MAP3K19: variants seen among roughly 807,000 people sequenced by gnomAD.
MAP3K19 encodes SPS1/STE20-related protein kinase YSK4.
A neutral mutation model predicts 114.4 loss-of-function variants in MAP3K19; 91 were observed. That is an observed-to-expected ratio of 0.80 (90% CI 0.67 to 0.95). The LOEUF (loss-of-function observed/expected upper bound fraction) is 0.95, where lower values mean the gene tolerates loss of function less well. MAP3K19 is among the 40% of genes least tolerant of loss of function. MAP3K19 has a pLI of 0.00. For missense variants in MAP3K19, 1,471 were observed against 1,573.2 expected, an observed-to-expected ratio of 0.94 and a Z score of 1.10; for synonymous variants, 518 against 530.5, an observed-to-expected ratio of 0.98 and a Z score of 0.32.
chr2:135,015,904 A>AT (rs1482456487), intron 5 of MAP3K19, among the ~76,000 whole-genome samples: 2 of 152,016 alleles, frequency 1.3e-5, no homozygotes, highest in South Asian at 4.2e-4. Context: ...AAAAAAAAAA[A>AT]ATATTTGTTG....
chr2:134,988,452 A>G (rs1238502267), intron 9 of MAP3K19, among the ~76,000 whole-genome samples, 199 bp from the exon 10 acceptor site: 2 of 152,206 alleles, frequency 1.3e-5, no homozygotes, highest in African/African-American at 4.8e-5. Flanking sequence ...GTGCAGTGGC[A>G]TAATCACAGC....
At chr2:135,025,634 C>A (rs1289738322) in intron 3 of MAP3K19, among the ~76,000 whole-genome samples, 1 of 151,972 alleles carries the variant, frequency 6.6e-6, no homozygotes, top group Non-Finnish European at 1.5e-5. Context: ...GATCTGCCTG[C>A]CTCGGCCTCC....
intron 12 of MAP3K19, among the ~76,000 whole-genome samples, chr2:134,970,651 G>A (rs1009361937): frequency 4.7e-5 from 7 of 148,316 alleles, no homozygotes; most frequent in African/African-American, 1.7e-4. Flanking sequence ...AGGCTGGAGT[G>A]CAGTGGTGCG....
In MAP3K19 at chr2:135,028,873, A is replaced by AT. The variant is rs950698753; in HGVS notation, c.-95+1438dup. ...GGGTACTGTGGGAATTAATTAGTTA[A>AT]TTTTTTTTTTTAGTCGCTAAGAAGA... On this transcript the variant is annotated intron_variant, in intron 3 of 12. Coordinates refer to ENST00000392915, the MANE Select transcript of MAP3K19 (RefSeq NM_025052.5). Among the ~76,000 whole-genome samples the AT allele has an allele frequency of 1.5e-4, 23 of 148,632 alleles. No individual in the cohort carries two copies. In the East Asian group the frequency reaches 1.9e-3, roughly 13 times the overall value.
chr2:134,964,727 A>G lies in MAP3K19; in HGVS notation c.*123T>C, dbSNP rs769211807. The G allele has an allele frequency of 5.5e-5, 37 of 677,164 alleles. No homozygotes were observed. Among genetic ancestry groups the G allele is most frequent in the Non-Finnish European group, 8.7e-5 (34 of 392,094 alleles). The allele number at this position is 677,164 out of a possible 1,614,324, so 41.9% of individuals were successfully genotyped here. A position where few individuals can be genotyped will look rare whatever the true frequency, so the allele number is the denominator to read the frequency against. ...AACTTTCAGTTAATGACTCCATAGG[A>G]TCTGCTTAAACTGGGTTAGACTGAA... is the stretch of plus-strand genomic sequence containing the variant. On this transcript the variant is annotated 3_prime_UTR_variant, in exon 13 of 13. Transcript: ENST00000392915.
At chr2:134,981,856 A>G (rs1300705952) in intron 11 of MAP3K19, among the ~76,000 whole-genome samples, 2 of 150,100 alleles carry the variant, frequency 1.3e-5, no homozygotes, top group Non-Finnish European at 3.0e-5. Flanking sequence ...TGAGGTAACA[A>G]TACTTGCCTC....
chr2:134,967,698 C>A (rs1348452850), intron 12 of MAP3K19, among the ~76,000 whole-genome samples: 1 of 152,196 alleles, frequency 6.6e-6, no homozygotes, highest in African/African-American at 2.4e-5. Context: ...ACCTTGCCCT[C>A]CTACTACATT....
intron 4 of MAP3K19, chr2:135,023,141 T>G (rs1314900877): frequency 4.9e-6 from 1 of 204,272 alleles, no homozygotes; most frequent in Non-Finnish European, 1.0e-5. Context: ...TCATCATATT[T>G]TCCTTCTTTA....
At chr2:135,037,646 T>C (rs552327614) in intron 2 of MAP3K19, among the ~76,000 whole-genome samples, 3 of 152,290 alleles carry the variant, frequency 2.0e-5, no homozygotes, top group South Asian at 4.1e-4. Context: ...CTTTATTCCA[T>C]GCAAACTTTT....
chr2:135,023,642 G>A (rs913950723), intron 4 of MAP3K19: 5 of 466,132 alleles, frequency 1.1e-5, no homozygotes, highest in African/African-American at 2.0e-5. Context: ...ATCACATCTC[G>A]CAGTTCTGTG....
rs968868623 is a variant in MAP3K19 at position 135,036,872 on chromosome 2, C to T, written c.-284+3491G>A. Among the ~76,000 whole-genome samples the T allele has an allele frequency of 7.9e-5, 12 of 151,980 alleles. No homozygotes were observed. The East Asian group carries it at 1.7e-3, about 22-fold the overall frequency. ...GTCCAATGGTGCTAAGAGGTAGAAG[C>T]GGCAAAGGACATTGTAGGGAACATT... On this transcript the variant is annotated intron_variant, in intron 2 of 12. Transcript: ENST00000392915.
At chr2:134,978,111 C>T (rs1220522865) in intron 12 of MAP3K19, among the ~76,000 whole-genome samples, 1 of 152,066 alleles carries the variant, frequency 6.6e-6, no homozygotes, top group Non-Finnish European at 1.5e-5. Flanking sequence ...TTTCTGTTAG[C>T]TTCCATTGTG....
chr2:135,025,207 T>G (rs868016575), intron 3 of MAP3K19, among the ~76,000 whole-genome samples: 23 of 152,102 alleles, frequency 1.5e-4, no homozygotes, highest in African/African-American at 5.3e-4. Flanking sequence ...TTTTTGATAT[T>G]TCTTTTTTCT....
intron 5 of MAP3K19, among the ~76,000 whole-genome samples, chr2:135,016,736 A>G (rs1687606925): frequency 6.6e-6 from 1 of 152,314 alleles, no homozygotes; most frequent in Admixed American, 6.5e-5. Context: ...ATATATTTGT[A>G]GCTCCATATA....
Position 135,015,849 on chromosome 2 carries a change from C to T in MAP3K19, c.138+5866G>A, listed in dbSNP as rs1044245760. Among the ~76,000 whole-genome samples the T allele has an allele frequency of 2.2e-3, 330 of 151,588 alleles. 3 individuals are homozygous for T. Among genetic ancestry groups the T allele is most frequent in the Non-Finnish European group, 7.1e-4 (48 of 67,924 alleles). ...TGGAGGTTGCAGTGAGCCGAGATTG[C>T]ACCACAGCACTCTAGCCTGGCAACA... On this transcript the variant is annotated intron_variant, in intron 5 of 12. Transcript: ENST00000392915.
At chr2:135,019,472 T>C (rs747667837) in intron 5 of MAP3K19, among the ~76,000 whole-genome samples, 174 of 152,188 alleles carry the variant, frequency 1.1e-3, no homozygotes, top group Non-Finnish European at 1.4e-3. Flanking sequence ...GGAGGATTGC[T>C]TGAGGCTAGG....
At chr2:134,978,064 C>A (rs1684372195) in intron 12 of MAP3K19, among the ~76,000 whole-genome samples, 1 of 152,284 alleles carries the variant, frequency 6.6e-6, no homozygotes, top group Middle Eastern at 3.4e-3. Context: ...TTCCTCCCTT[C>A]CCTTCTCCAG....
At chr2:134,998,262 G>T (rs1055374512) in intron 8 of MAP3K19, among the ~76,000 whole-genome samples, 1 of 152,064 alleles carries the variant, frequency 6.6e-6, no homozygotes. Flanking sequence ...CACAGCGTGG[G>T]CCCCCAAGAT....
intron 12 of MAP3K19, among the ~76,000 whole-genome samples, chr2:134,971,277 A>G (rs764454079): frequency 6.6e-6 from 1 of 152,152 alleles, no homozygotes; most frequent in Non-Finnish European, 1.5e-5. Flanking sequence ...TCACTTGATT[A>G]TGGTGTATTA....
Sources: gnomAD v4.1 joint callset for allele counts (sites outside exome capture counted in the v4.1 genomes callset) on GRCh38, gnomAD v4.1.1 for gene constraint, MANE v1.5 for transcripts, NCBI Gene and HGNC (gene_info 2026-07-23, HGNC 2026-07-21) for gene names.